Variants in GPC5 observed in about 807,000 individuals in gnomAD.
The protein encoded by GPC5 is glypican 5, also known as glypican-5.
In GPC5, 47 loss-of-function variants were observed where a neutral mutation model predicts 53.9. The observed-to-expected ratio is 0.87, with a 90% CI of 0.69 to 1.11. The LOEUF (loss-of-function observed/expected upper bound fraction) is 1.11, where lower values mean the gene tolerates loss of function less well. GPC5 is among the 50% of genes most tolerant of loss of function. The pLI is 0.00. For missense variants in GPC5, 748 were observed against 713.1 expected, an observed-to-expected ratio of 1.05 and a Z score of -0.56; for synonymous variants, 286 against 263.3, an observed-to-expected ratio of 1.09 and a Z score of -0.84.
chr13:91,891,850 C>T (rs912433551), intron 5 of GPC5, among the ~76,000 whole-genome samples: 5 of 151,950 alleles, frequency 3.3e-5, no homozygotes, highest in Admixed American at 1.3e-4. Context: ...TAAAGTTATT[C>T]GAAACTTCCA....
chr13:91,969,982 C>T (rs1018205598), intron 6 of GPC5, among the ~76,000 whole-genome samples: 1 of 152,088 alleles, frequency 6.6e-6, no homozygotes, highest in African/African-American at 2.4e-5. Context: ...GTTTTTGCAG[C>T]ATTATTCCCA....
intron 7 of GPC5, among the ~76,000 whole-genome samples, chr13:92,303,462 GA>G (rs36000571): frequency 3.4e-5 from 5 of 148,648 alleles, no homozygotes; most frequent in South Asian, 2.1e-4. Context: ...GTCAGTAATT[GA>G]AAAAAAAAAT....
intron 7 of GPC5, among the ~76,000 whole-genome samples, chr13:92,417,214 C>CA (rs1566581376): frequency 6.6e-6 from 1 of 152,096 alleles, no homozygotes; most frequent in African/African-American, 2.4e-5. Context: ...AAATTTTTTC[C>CA]AAAAAATCAT....
At chr13:92,280,420 C>T (rs374429949) in intron 7 of GPC5, among the ~76,000 whole-genome samples, 1 of 152,068 alleles carries the variant, frequency 6.6e-6, no homozygotes, top group Non-Finnish European at 1.5e-5. Context: ...TTTGCTTTTT[C>T]TAGTTTGCTA....
chr13:92,226,884 G>A (rs1490683991), intron 7 of GPC5, among the ~76,000 whole-genome samples: 1 of 152,028 alleles, frequency 6.6e-6, no homozygotes, highest in African/African-American at 2.4e-5. Context: ...GCAGGCGTGA[G>A]CCACCGTACC....
chr13:92,234,345 G>T (rs529369525), intron 7 of GPC5, among the ~76,000 whole-genome samples: 1 of 152,050 alleles, frequency 6.6e-6, no homozygotes, highest in East Asian at 1.9e-4. Context: ...TTTAATGATT[G>T]CCATTCTAAC....
At chr13:91,866,024 T>C (rs1029106873) in intron 5 of GPC5, among the ~76,000 whole-genome samples, 1 of 152,178 alleles carries the variant, frequency 6.6e-6, no homozygotes, top group Non-Finnish European at 1.5e-5. Context: ...TGTGCCACCA[T>C]GTCCAGCTAA....
intron 6 of GPC5, among the ~76,000 whole-genome samples, chr13:92,122,830 T>C (rs1594772214): frequency 6.6e-6 from 1 of 151,400 alleles, no homozygotes; most frequent in Non-Finnish European, 1.5e-5. Context: ...AAACCTTTTT[T>C]ATCTTTCTCT....
chr13:92,507,949 T>C (rs1280067689), intron 7 of GPC5, among the ~76,000 whole-genome samples: 1 of 152,166 alleles, frequency 6.6e-6, no homozygotes, highest in African/African-American at 2.4e-5. Flanking sequence ...TTTTATTTAA[T>C]TAATTTAATT....
At chr13:92,705,455 A>G (rs1887916222) in intron 7 of GPC5, among the ~76,000 whole-genome samples, 1 of 152,164 alleles carries the variant, frequency 6.6e-6, no homozygotes, top group South Asian at 2.1e-4. Context: ...AAATGTAGCT[A>G]TTCCATATTG....
chr13:91,634,107 T>A (rs1797129219), intron 2 of GPC5, among the ~76,000 whole-genome samples: 1 of 152,120 alleles, frequency 6.6e-6, no homozygotes, highest in African/African-American at 2.4e-5. Flanking sequence ...TTCCTCAAAC[T>A]TCACCTTTGA....
At chr13:92,789,036 G>A (rs139788182) in intron 7 of GPC5, among the ~76,000 whole-genome samples, 106 of 152,266 alleles carry the variant, frequency 7.0e-4, no homozygotes, top group Non-Finnish European at 1.2e-3. Flanking sequence ...TCAGGCCAGC[G>A]GGGTTTCCCA....
At chr13:92,425,940 A>G (rs1876812343) in intron 7 of GPC5, among the ~76,000 whole-genome samples, 1 of 152,094 alleles carries the variant, frequency 6.6e-6, no homozygotes, top group Non-Finnish European at 1.5e-5. Context: ...ATATTTACAC[A>G]TTTATAGTTG....
At chr13:92,105,205 G>C (rs143433965) in intron 6 of GPC5, among the ~76,000 whole-genome samples, 2 of 151,940 alleles carry the variant, frequency 1.3e-5, no homozygotes, top group African/African-American at 4.8e-5. Flanking sequence ...ACAACTATGC[G>C]TTGTTTTAAT....
intron 7 of GPC5, among the ~76,000 whole-genome samples, chr13:92,407,501 C>T (rs11070025): frequency 0.15 from 22,682 of 152,048 alleles, 2,115 homozygotes; most frequent in East Asian, 0.43. Context: ...TTCCTTTTTA[C>T]GTACTAAGTC....
In GPC5 at chr13:92,750,799, T is replaced by TA. The variant is rs1889366900; in HGVS notation, c.1562-115482dup. The stretch of plus-strand genomic sequence containing the variant: ...GGCTGCGTGGAGAGTCATGTAATTG[T>TA]ATCTTCCCTCTCAGAGACCTGAGCT... On this transcript the variant is annotated intron_variant, in intron 7 of 7. Transcript: ENST00000377067. Among the ~76,000 whole-genome samples, 4 of 152,332 alleles carry TA rather than the reference T, an allele frequency of 2.6e-5. 1 individual carries two copies. The South Asian group carries it at 8.3e-4, about 32-fold the overall frequency.
chr13:91,843,657 A>G (rs1043672892), intron 5 of GPC5, among the ~76,000 whole-genome samples: 1 of 152,184 alleles, frequency 6.6e-6, no homozygotes, highest in Non-Finnish European at 1.5e-5. Context: ...GAGCCAGAAG[A>G]CATCTTTTGG....
At chr13:91,860,348 C>T (rs989366263) in intron 5 of GPC5, among the ~76,000 whole-genome samples, 7 of 151,890 alleles carry the variant, frequency 4.6e-5, no homozygotes, top group African/African-American at 1.7e-4. Context: ...TGGCTCATTT[C>T]GCTCACATAA....
chr13:91,894,066 C>A (rs1335039550), intron 5 of GPC5, among the ~76,000 whole-genome samples: 6 of 151,828 alleles, frequency 4.0e-5, no homozygotes, highest in Non-Finnish European at 8.8e-5. Flanking sequence ...AAGTGCCTAA[C>A]TTTTATAAAC....
Sources: allele counts gnomAD v4.1 joint callset (sites outside exome capture counted in the v4.1 genomes callset), GRCh38; gene constraint gnomAD v4.1.1; transcripts MANE v1.5; gene names NCBI Gene and HGNC (gene_info 2026-07-23, HGNC 2026-07-21).